Variants in CBFA2T3 observed in about 807,000 individuals in gnomAD.
CBFA2T3 encodes the protein CBFA2/RUNX1 partner transcriptional co-repressor 3, also known as transcriptional corepressor CBFA2T3.
CBFA2T3 carries 31 observed loss-of-function variants against 58.6 expected under a neutral mutation model. That is an observed-to-expected ratio of 0.53 (90% CI 0.40 to 0.71). The LOEUF (loss-of-function observed/expected upper bound fraction) is 0.71. Among genes scored for constraint, CBFA2T3 ranks in the 30% least tolerant of loss-of-function variants. The pLI is 0.00. For synonymous variants in CBFA2T3, 531 were observed against 421.9 expected (o/e 1.26, Z -3.17); for missense variants, 1,076 against 963.1 (o/e 1.12, Z -1.55).
rs371336065 is a variant in CBFA2T3, at chr16:88,886,020, G to A, written c.834C>T (p.Ile278=). The change falls in exon 6 of 12, where the codon ATC becomes ATT. Residue 278 remains isoleucine (I), a synonymous_variant. Transcript: ENST00000268679. The part of the protein sequence containing the change: ...LLLDASASSP[I]DSSELLLEVN... Reference sequence around the variant, plus strand: ...CTTCCAGTAGCAGCTCTGAGGAGTCGATGGGGGAGGAGGCGCTGGCGTCCA... The same window carrying A: ...CTTCCAGTAGCAGCTCTGAGGAGTCAATGGGGGAGGAGGCGCTGGCGTCCA... The A allele has an allele frequency of 1.8e-5, 28 of 1,566,012 alleles. No homozygotes were observed. The highest frequency in any genetic ancestry group is 2.3e-5 in the Non-Finnish European group (27 of 1,157,146).
rs1428958469 is a variant in CBFA2T3, at chr16:88,958,347, A to G, written c.151+18310T>C. On this transcript the variant is annotated intron_variant, in intron 1 of 11. Coordinates refer to ENST00000268679, the MANE Select transcript of CBFA2T3 (RefSeq NM_005187.6). The surrounding 1 kb of genome is among the most constrained non-coding windows in gnomAD (Gnocchi z 4.0). ...GCCCAAAGCTCCCAGGGAGAAGTTG[A>G]GGTTGATGTGGTCACCTCGAATGGG... Among the ~76,000 whole-genome samples, 2 of 151,312 alleles carry G rather than the reference A, an allele frequency of 1.3e-5. No homozygotes were observed. The highest frequency in any genetic ancestry group is 1.5e-5 in the Non-Finnish European group (1 of 67,940).
intron 1 of CBFA2T3, among the ~76,000 whole-genome samples, chr16:88,907,532 T>TGAGG (rs146468298): frequency 0.054 from 8,152 of 152,286 alleles, 355 homozygotes; most frequent in African/African-American, 0.12. Flanking sequence ...TCCGCGGCCC[T>TGAGG]GAGATCCTGC....
rs1968830303 is a variant in CBFA2T3, at chr16:88,876,401, G to T, written c.*575C>A. On this transcript the variant is annotated 3_prime_UTR_variant, in exon 12 of 12. Coordinates refer to ENST00000268679, the MANE Select transcript of CBFA2T3 (RefSeq NM_005187.6). ...TGGGGGAGGGGCACAGCTGGGTTCAGATCTCCAGCTATAAAATCGCAGTTT... is the reference window on the plus strand; with the variant it reads ...TGGGGGAGGGGCACAGCTGGGTTCATATCTCCAGCTATAAAATCGCAGTTT... 4.3e-6 allele frequency: 1 copy of T among 230,144 alleles called. No homozygotes were observed. Among genetic ancestry groups the T allele is most frequent in the Admixed American group, 5.7e-5 (1 of 17,674 alleles). 14.3% of individuals were successfully genotyped at this position (230,144 alleles called of 1,614,324 possible). A position where few individuals can be genotyped will look rare whatever the true frequency, so the allele number is the denominator to read the frequency against.
chr16:88,917,651 G>T (rs919048121), intron 1 of CBFA2T3, among the ~76,000 whole-genome samples: 1 of 152,194 alleles, frequency 6.6e-6, no homozygotes, highest in African/African-American at 2.4e-5. Flanking sequence ...AGCCACTGCC[G>T]GTGTGGACGC....
intron 1 of CBFA2T3, among the ~76,000 whole-genome samples, chr16:88,911,325 G>A (rs746103456): frequency 3.9e-5 from 6 of 152,250 alleles, no homozygotes; most frequent in Non-Finnish European, 7.3e-5. Context: ...CTCCCGCGCC[G>A]CTGTGTGAAC....
Position 88,875,712 on chromosome 16 carries a change from C to G in CBFA2T3, c.*1264G>C, listed in dbSNP as rs369651523. The G allele has an allele frequency of 9.4e-5, 22 of 233,546 alleles. 1 individual carries two copies. The East Asian group carries it at 1.1e-3, about 12-fold the overall frequency. 14.5% of individuals were successfully genotyped at this position (233,546 alleles called of 1,614,324 possible). A position where few individuals can be genotyped will look rare whatever the true frequency, so the allele number is the denominator to read the frequency against. ...AGAAGCAGTGTTTCAGGGAGGCCTG[C>G]TGGCTCCGCATGCTCGAAAAGCAGT... is the stretch of plus-strand genomic sequence containing the variant. On this transcript the variant is annotated 3_prime_UTR_variant, in exon 12 of 12. Coordinates refer to ENST00000268679, the MANE Select transcript of CBFA2T3 (RefSeq NM_005187.6).
chr16:88,927,747 G>A (rs1355252026), intron 1 of CBFA2T3, among the ~76,000 whole-genome samples: 4 of 152,180 alleles, frequency 2.6e-5, no homozygotes, highest in Admixed American at 6.5e-5. Context: ...CCAGCTGGCC[G>A]TCCGCCCGTG....
intron 1 of CBFA2T3, among the ~76,000 whole-genome samples, chr16:88,926,477 CTCTCTT>C (rs1437273691): frequency 2.0e-5 from 3 of 152,172 alleles, no homozygotes. Flanking sequence ...GCTGAGCGAC[CTCTCTT>C]TCTATCTCTC....
intron 3 of CBFA2T3, among the ~76,000 whole-genome samples, chr16:88,894,734 G>A (rs76421010): frequency 1.3e-5 from 2 of 151,898 alleles, no homozygotes; most frequent in South Asian, 2.1e-4. Flanking sequence ...GTCTACGGGT[G>A]GGGGGCAGCT....
chr16:88,892,103 AG>A, intron 4 of CBFA2T3, 132 bp from the exon 5 acceptor site: 1 of 1,355,848 alleles, frequency 7.4e-7, no homozygotes, highest in South Asian at 1.3e-5. Context: ...ACGGCCTGAG[AG>A]GGTGCAGGTG....
At chr16:88,892,788 C>A (rs542620334) in intron 3 of CBFA2T3, among the ~76,000 whole-genome samples, 19 of 152,322 alleles carry the variant, frequency 1.2e-4, no homozygotes, top group African/African-American at 4.6e-4. Flanking sequence ...TGCCCCAGGT[C>A]CCCAATGGGT....
At chr16:88,916,348 G>T (rs910385438) in intron 1 of CBFA2T3, among the ~76,000 whole-genome samples, 1 of 151,304 alleles carries the variant, frequency 6.6e-6, no homozygotes, top group Non-Finnish European at 1.5e-5. Flanking sequence ...GTGCATGGGT[G>T]TGTGTCCGTG....
At chr16:88,926,998 G>A (rs1348423810) in intron 1 of CBFA2T3, among the ~76,000 whole-genome samples, 3 of 152,146 alleles carry the variant, frequency 2.0e-5, no homozygotes, top group East Asian at 1.9e-4. Context: ...GGCCTGGCAC[G>A]CGTGGTCCTT....
Position 88,901,587 on chromosome 16 carries a change from C to T in CBFA2T3, c.221G>A (p.Arg74Gln), listed in dbSNP as rs150762076. 9.3e-4 allele frequency: 1,402 copies of T among 1,512,952 alleles called. 4 individuals are homozygous for T. The highest frequency in any genetic ancestry group is 1.4e-3 in the Middle Eastern group (8 of 5,766). 93.7% of individuals were successfully genotyped at this position (1,512,952 alleles called of 1,614,324 possible). ...GGGCGGCATGCTGGGGGGTGTGGACCGGGGCTGCGTCTTCACCTCCGCTGG... is the reference window on the plus strand; with the variant it reads ...GGGCGGCATGCTGGGGGGTGTGGACTGGGGCTGCGTCTTCACCTCCGCTGG... ...DSPAEVKTQP[R>Q]STPPSMPPPP... Residue 74 changes from arginine (R) to glutamine (Q), a missense_variant, in exon 2 of 12, where the codon CGG (arginine) becomes CAG (glutamine). Arg to Gln is a conservative substitution (Grantham distance 43, BLOSUM62 1). Coordinates refer to ENST00000268679, the MANE Select transcript of CBFA2T3 (RefSeq NM_005187.6).
At chr16:88,942,040 C>G (rs1971760121) in intron 1 of CBFA2T3, among the ~76,000 whole-genome samples, 1 of 152,064 alleles carries the variant, frequency 6.6e-6, no homozygotes, top group Non-Finnish European at 1.5e-5. Context: ...GATGCGAAGC[C>G]CTCGCTTCCC....
At chr16:88,897,692 G>A (rs1305831156) in intron 3 of CBFA2T3, among the ~76,000 whole-genome samples, 1 of 152,238 alleles carries the variant, frequency 6.6e-6, no homozygotes. Flanking sequence ...AGTTGCAGCT[G>A]GGACTCCAGG....
At chr16:88,952,495 G>A (rs1972100991) in intron 1 of CBFA2T3, among the ~76,000 whole-genome samples, 2 of 152,226 alleles carry the variant, frequency 1.3e-5, no homozygotes, top group African/African-American at 4.8e-5. Context: ...CTCCCACGGG[G>A]CACCGAGACG....
At chr16:88,975,553 A>G (rs1056283862) in intron 1 of CBFA2T3, among the ~76,000 whole-genome samples, 1 of 152,252 alleles carries the variant, frequency 6.6e-6, no homozygotes, top group African/African-American at 2.4e-5. Context: ...CGCTCCAGAG[A>G]GGACGGGATG....
chr16:88,892,018 AG>A (rs750985415), intron 4 of CBFA2T3, 47 bp from the exon 5 acceptor site: 1 of 1,523,248 alleles, frequency 6.6e-7, no homozygotes, highest in Non-Finnish European at 9.1e-7. Context: ...TCGGCATGTG[AG>A]CCAGCGCCGA....
Sources: allele counts gnomAD v4.1 joint callset (sites outside exome capture counted in the v4.1 genomes callset), GRCh38; gene constraint gnomAD v4.1.1; non-coding constraint Gnocchi (gnomAD v3.1); transcripts MANE v1.5; gene names NCBI Gene and HGNC (gene_info 2026-07-23, HGNC 2026-07-21).